Variants in CCDC171 observed in about 807,000 individuals in gnomAD.
CCDC171 encodes the protein coiled-coil domain containing 171.
CCDC171 carries 177 observed loss-of-function variants against 168.2 expected under a neutral mutation model. The ratio of observed to expected loss-of-function variants is 1.05; its 90% CI spans 0.93 to 1.19. The LOEUF (loss-of-function observed/expected upper bound fraction) is 1.19. Among genes scored for constraint, CCDC171 ranks in the 50% most tolerant of loss-of-function variants. The probability of loss-of-function intolerance (pLI) is 0.00; values close to 1 mark genes in which losing one functional copy is unlikely to be tolerated. For missense variants in CCDC171, 1,991 were observed against 1,539.0 expected, an observed-to-expected ratio of 1.29 and a Z score of -4.91; for synonymous variants, 687 against 540.8, an observed-to-expected ratio of 1.27 and a Z score of -3.75.
chr9:15,566,644 G>T (rs1490821360), intron 2 of CCDC171, among the ~76,000 whole-genome samples: 1 of 152,156 alleles, frequency 6.6e-6, no homozygotes, highest in Non-Finnish European at 1.5e-5. Context: ...TTTCTTAATA[G>T]TGTCTTTGGA....
At chr9:16,101,299 T>C in the CCDC171 span, among the ~76,000 whole-genome samples, 1 of 152,224 alleles carries the variant, frequency 6.6e-6, no homozygotes, top group Admixed American at 6.5e-5. Flanking sequence ...TTAGTATACA[T>C]AGGTCCTGAA....
At chr9:15,785,881 T>G (rs1194706982) in intron 21 of CCDC171, among the ~76,000 whole-genome samples, 1 of 152,084 alleles carries the variant, frequency 6.6e-6, no homozygotes, top group East Asian at 1.9e-4. Flanking sequence ...ACTATTATTA[T>G]GATTTTGATT....
chr9:15,699,843 G>C (rs2051556611), intron 11 of CCDC171, among the ~76,000 whole-genome samples: 1 of 152,164 alleles, frequency 6.6e-6, no homozygotes. Flanking sequence ...CAAACCCTGA[G>C]CTAGACACAG....
intron 8 of CCDC171, among the ~76,000 whole-genome samples, chr9:15,663,987 T>C (rs140206502): frequency 0.015 from 2,281 of 152,268 alleles, 33 homozygotes; most frequent in Non-Finnish European, 0.022. Flanking sequence ...CTGGAGGCCA[T>C]TATCTTAAGC....
upstream of CCDC171, among the ~76,000 whole-genome samples, chr9:16,040,204 T>G (rs1833550437): frequency 6.6e-6 from 1 of 152,112 alleles, no homozygotes. Flanking sequence ...GCCACAGGCA[T>G]CGTGTTGGAG....
intron 11 of CCDC171, among the ~76,000 whole-genome samples, chr9:15,699,472 C>T (rs7849159): frequency 0.95 from 144,107 of 152,180 alleles, 68,269 homozygotes; most frequent in East Asian, 1. Context: ...TTCTCTTATC[C>T]GGCCCCACCC....
At chr9:15,627,235 C>CT (rs1380442307) in intron 7 of CCDC171, among the ~76,000 whole-genome samples, 1 of 152,048 alleles carries the variant, frequency 6.6e-6, no homozygotes, top group African/African-American at 2.4e-5. Context: ...TGCTAGCTGT[C>CT]TATCAATTTT....
intron 25 of CCDC171, among the ~76,000 whole-genome samples, chr9:15,942,210 C>G (rs1275702705): frequency 6.6e-6 from 1 of 151,872 alleles, no homozygotes; most frequent in South Asian, 2.1e-4. Flanking sequence ...GATGTCACTA[C>G]GATACCTAAT....
the CCDC171 span, among the ~76,000 whole-genome samples, chr9:16,075,906 G>A: frequency 6.6e-6 from 1 of 151,708 alleles, no homozygotes; most frequent in Non-Finnish European, 1.5e-5. Context: ...AGCATAGGTT[G>A]AAGTAGATAG....
At chr9:16,066,559 C>T (rs202102128), downstream of CCDC171, among the ~76,000 whole-genome samples, 297 of 129,744 alleles carry the variant, frequency 2.3e-3, no homozygotes, top group Middle Eastern at 4.2e-3. Flanking sequence ...GCGCTGCACC[C>T]ACTAACTCGT....
the CCDC171 span, among the ~76,000 whole-genome samples, chr9:16,079,494 T>C: frequency 6.6e-6 from 1 of 152,160 alleles, no homozygotes; most frequent in South Asian, 2.1e-4. Flanking sequence ...CAGGTGATGC[T>C]TCTGTAAATC....
At chr9:15,720,990 G>C (rs1185606430) in intron 11 of CCDC171, among the ~76,000 whole-genome samples, 4 of 152,136 alleles carry the variant, frequency 2.6e-5, no homozygotes, top group Admixed American at 1.3e-4. Context: ...TTTAGTTTTT[G>C]AAATTCAACT....
chr9:15,952,927 A>G (rs1288704544), intron 25 of CCDC171, among the ~76,000 whole-genome samples: 1 of 151,988 alleles, frequency 6.6e-6, no homozygotes, highest in Admixed American at 6.6e-5. Context: ...TAGGTATTTT[A>G]TTCTTTTTGA....
At chr9:15,873,638 C>T (rs1378107784) in intron 23 of CCDC171, among the ~76,000 whole-genome samples, 1 of 151,974 alleles carries the variant, frequency 6.6e-6, no homozygotes, top group East Asian at 1.9e-4. Flanking sequence ...GCTTTTTGTT[C>T]TTAAATGCAA....
chr9:15,987,290 G>C (rs1832020855), intron 3 of CCDC171, among the ~76,000 whole-genome samples: 1 of 152,016 alleles, frequency 6.6e-6, no homozygotes, highest in Middle Eastern at 3.2e-3. Context: ...ATTGGAGGAG[G>C]GTGAGGATTG....
chr9:15,606,617 T>A (rs181735760), intron 6 of CCDC171, among the ~76,000 whole-genome samples: 1 of 152,334 alleles, frequency 6.6e-6, no homozygotes, highest in East Asian at 1.9e-4. Context: ...CTGATACTTT[T>A]CTAACTAGTG....
At chr9:15,638,148 G>A (rs1439461408) in intron 7 of CCDC171, among the ~76,000 whole-genome samples, 4 of 152,098 alleles carry the variant, frequency 2.6e-5, no homozygotes, top group South Asian at 2.1e-4. Flanking sequence ...AAGCTTTGAA[G>A]GTAGTCTAGA....
chr9:15,693,699 G>A (rs1295312759), intron 10 of CCDC171, among the ~76,000 whole-genome samples: 1 of 152,096 alleles, frequency 6.6e-6, no homozygotes, highest in African/African-American at 2.4e-5. Context: ...CATATTTTAA[G>A]GATGTAAGTT....
intron 18 of CCDC171, among the ~76,000 whole-genome samples, chr9:15,763,500 A>T (rs188328526): frequency 5.4e-4 from 83 of 152,342 alleles, no homozygotes; most frequent in African/African-American, 1.8e-3. Flanking sequence ...GATGCTCAAC[A>T]TGAGTCATAT....
Sources: gnomAD v4.1 joint callset for allele counts (sites outside exome capture counted in the v4.1 genomes callset) on GRCh38, gnomAD v4.1.1 for gene constraint, MANE v1.5 for transcripts, NCBI Gene and HGNC (gene_info 2026-07-23, HGNC 2026-07-21) for gene names.